The following GULP1 variants were observed in gnomAD, a reference collection of about 807,000 sequenced individuals.
GULP1 encodes PTB domain-containing engulfment adapter protein 1.
A neutral mutation model predicts 40.9 loss-of-function variants in GULP1; 19 were observed. The observed-to-expected ratio is 0.46, with a 90% CI of 0.32 to 0.68. GULP1 has a LOEUF of 0.68. Ranked by LOEUF, GULP1 falls within the 30% of genes least tolerant of loss-of-function variation. The pLI is 0.03. For missense variants in GULP1, 312 were observed against 362.2 expected, an observed-to-expected ratio of 0.86 and a Z score of 1.12; for synonymous variants, 119 against 117.6, an observed-to-expected ratio of 1.01 and a Z score of -0.08.
At position 188,369,125 on chromosome 2, in the gene GULP1, T is replaced by C. The variant is rs1222235043; in HGVS notation, c.-171-14638T>C. Among the ~76,000 whole-genome samples the C allele has an allele frequency of 2.6e-5, 4 of 151,140 alleles. No individual in the cohort carries two copies. The East Asian group carries it at 7.8e-4, about 30-fold the overall frequency. ...ACAGGTGCATGCCACCACACTCAGC[T>C]AATTTTTGTATTTTTAGTAGAGATG... On this transcript the variant is annotated intron_variant, in intron 1 of 11. Coordinates refer to ENST00000409830, the MANE Select transcript of GULP1 (RefSeq NM_016315.4).
At chr2:188,543,582 C>A (rs956239970) in intron 7 of GULP1, among the ~76,000 whole-genome samples, 1 of 152,082 alleles carries the variant, frequency 6.6e-6, no homozygotes, top group African/African-American at 2.4e-5. Flanking sequence ...ATGTAATTCT[C>A]ATTTTAAATA....
At chr2:188,321,198 C>T (rs1035376060) in intron 1 of GULP1, among the ~76,000 whole-genome samples, 4 of 152,034 alleles carry the variant, frequency 2.6e-5, no homozygotes, top group Admixed American at 6.6e-5. Context: ...AATTTGAATG[C>T]GAAATTCAAG....
intron 2 of GULP1, among the ~76,000 whole-genome samples, chr2:188,395,700 CTA>C (rs1183779119): frequency 4.6e-5 from 7 of 152,122 alleles, no homozygotes; most frequent in Non-Finnish European, 1.0e-4. Flanking sequence ...AGTAGTATCT[CTA>C]AAGACAAGAC....
At chr2:188,507,848 A>G (rs1434237389) in intron 4 of GULP1, among the ~76,000 whole-genome samples, 3 of 151,976 alleles carry the variant, frequency 2.0e-5, no homozygotes, top group Non-Finnish European at 4.4e-5. Context: ...TTCAAATACC[A>G]GTTCTGTAGT....
intron 1 of GULP1, among the ~76,000 whole-genome samples, chr2:188,382,082 A>G (rs1367643649): frequency 2.0e-5 from 3 of 152,268 alleles, no homozygotes; most frequent in Non-Finnish European, 2.9e-5. Flanking sequence ...TTTGTAGTAG[A>G]TGCTGTTGAT....
intron 7 of GULP1, among the ~76,000 whole-genome samples, chr2:188,557,162 C>T (rs994067515): frequency 2.0e-5 from 3 of 152,138 alleles, no homozygotes; most frequent in African/African-American, 7.2e-5. Context: ...TGCCTCTGGT[C>T]CCCCAAATCT....
intron 9 of GULP1, among the ~76,000 whole-genome samples, chr2:188,580,625 G>T (rs2153454826): frequency 6.6e-6 from 1 of 151,976 alleles, no homozygotes; most frequent in African/African-American, 2.4e-5. Context: ...TTAATAGAGT[G>T]ATTAATTATA....
At chr2:188,421,153 C>A (rs994891413) in intron 2 of GULP1, among the ~76,000 whole-genome samples, 1 of 152,072 alleles carries the variant, frequency 6.6e-6, no homozygotes, top group Non-Finnish European at 1.5e-5. Flanking sequence ...ATGTAGAAAA[C>A]TTAAACACTC....
chr2:188,388,691 C>T (rs79985238), intron 2 of GULP1, among the ~76,000 whole-genome samples: 4,501 of 152,238 alleles, frequency 0.03, 105 homozygotes, highest in African/African-American at 0.065. Context: ...GAACCCTTGC[C>T]GCTCGCCAGG....
At chr2:188,443,021 C>T (rs557013744) in intron 2 of GULP1, among the ~76,000 whole-genome samples, 15 of 152,160 alleles carry the variant, frequency 9.9e-5, no homozygotes, top group Middle Eastern at 3.4e-3. Flanking sequence ...AAGAAAACAG[C>T]GGCAACAACA....
chr2:188,400,005 G>A (rs1249365664), intron 2 of GULP1, among the ~76,000 whole-genome samples: 1 of 152,126 alleles, frequency 6.6e-6, no homozygotes. Context: ...ATAAGTCTAA[G>A]ATAGGAGGCA....
chr2:188,401,376 G>A (rs1037874645), intron 2 of GULP1, among the ~76,000 whole-genome samples: 33 of 152,200 alleles, frequency 2.2e-4, no homozygotes, highest in Admixed American at 1.6e-3. Context: ...CTTAAATGTA[G>A]TGGCTATTTC....
At chr2:188,535,329 C>T (rs1688651331) in intron 6 of GULP1, among the ~76,000 whole-genome samples, 1 of 152,014 alleles carries the variant, frequency 6.6e-6, no homozygotes, top group Admixed American at 6.6e-5. Flanking sequence ...TTTTTCAATC[C>T]TTAACACCCC....
chr2:188,562,861 C>T (rs780972416), intron 7 of GULP1, among the ~76,000 whole-genome samples: 3 of 152,094 alleles, frequency 2.0e-5, no homozygotes, highest in Non-Finnish European at 4.4e-5. Flanking sequence ...ATATATGGAA[C>T]TAAATATTTG....
intron 1 of GULP1, among the ~76,000 whole-genome samples, chr2:188,329,360 G>A (rs2041230373): frequency 6.6e-6 from 1 of 152,114 alleles, no homozygotes; most frequent in Non-Finnish European, 1.5e-5. Context: ...TGATAAGGAT[G>A]CTAGTCTAGG....
chr2:188,558,236 C>T (rs777456314), intron 7 of GULP1, among the ~76,000 whole-genome samples: 19 of 152,248 alleles, frequency 1.2e-4, no homozygotes, highest in African/African-American at 2.9e-4. Flanking sequence ...ATGTTGTGGA[C>T]GGAACCCAGT....
At chr2:188,492,224 A>G (rs2062461945) in intron 4 of GULP1, among the ~76,000 whole-genome samples, 1 of 152,088 alleles carries the variant, frequency 6.6e-6, no homozygotes, top group Non-Finnish European at 1.5e-5. Context: ...TGTTTACATT[A>G]TTAGGTCTTC....
At chr2:188,541,590 T>G in intron 7 of GULP1, 1 of 550,324 alleles carries the variant, frequency 1.8e-6, no homozygotes, top group Non-Finnish European at 3.2e-6. Context: ...GTTATGCATG[T>G]ATTTTATAAT....
chr2:188,442,302 C>G (rs957606962), intron 2 of GULP1, among the ~76,000 whole-genome samples: 3 of 152,052 alleles, frequency 2.0e-5, no homozygotes, highest in African/African-American at 7.2e-5. Context: ...GACTTTTAGT[C>G]ACGCCAGTAA....
Sources: gnomAD v4.1 joint callset for allele counts (sites outside exome capture counted in the v4.1 genomes callset) on GRCh38, gnomAD v4.1.1 for gene constraint, MANE v1.5 for transcripts, NCBI Gene and HGNC (gene_info 2026-07-23, HGNC 2026-07-21) for gene names.